SPTLC3: variants seen among roughly 807,000 people sequenced by gnomAD.
SPTLC3 encodes the protein serine palmitoyltransferase 3.
Under a neutral mutation model 59.3 loss-of-function variants are expected in SPTLC3, and 36 were observed. The ratio of observed to expected loss-of-function variants is 0.61; its 90% CI spans 0.47 to 0.80. The LOEUF (loss-of-function observed/expected upper bound fraction) is 0.80, where lower values mean the gene tolerates loss of function less well. Ranked by LOEUF, SPTLC3 falls within the 30% of genes least tolerant of loss-of-function variation. The pLI, the probability that SPTLC3 is intolerant of heterozygous loss-of-function variation, is 0.00. For synonymous variants in SPTLC3, 257 were observed against 240.8 expected (o/e 1.07, Z -0.62); for missense variants, 625 against 685.1 (o/e 0.91, Z 0.98).
chr20:13,055,378 G>A (rs1398016218), intron 2 of SPTLC3, among the ~76,000 whole-genome samples: 1 of 151,996 alleles, frequency 6.6e-6, no homozygotes, highest in African/African-American at 2.4e-5. Flanking sequence ...AATTCTCCTT[G>A]GGCATTCTCA....
chr20:13,129,748 C>A (rs1162413706), intron 9 of SPTLC3, among the ~76,000 whole-genome samples: 1 of 152,218 alleles, frequency 6.6e-6, no homozygotes, highest in East Asian at 1.9e-4. Flanking sequence ...AGTGGAAGAT[C>A]TGCAGAAAGA....
chr20:13,041,969 A>G (rs1987001571), intron 1 of SPTLC3, among the ~76,000 whole-genome samples: 2 of 152,072 alleles, frequency 1.3e-5, no homozygotes, highest in Admixed American at 1.3e-4. Context: ...ATCACTCCCA[A>G]CTGTGAGTCT....
intron 9 of SPTLC3, among the ~76,000 whole-genome samples, chr20:13,139,759 T>C (rs1388894643): frequency 6.6e-6 from 1 of 152,250 alleles, no homozygotes; most frequent in African/African-American, 2.4e-5. Flanking sequence ...CAGGACATTC[T>C]TTCCTCCGAC....
chr20:13,010,705 A>G (rs1282863882), intron 1 of SPTLC3, among the ~76,000 whole-genome samples: 1 of 152,164 alleles, frequency 6.6e-6, no homozygotes, highest in Non-Finnish European at 1.5e-5. Context: ...ACTACTCAAG[A>G]CGATCCTTGC....
intron 7 of SPTLC3, among the ~76,000 whole-genome samples, chr20:13,111,679 C>G (rs1175286855): frequency 6.6e-6 from 1 of 152,138 alleles, no homozygotes; most frequent in Non-Finnish European, 1.5e-5. Flanking sequence ...GAGCAAATAG[C>G]CCTTATCTAA....
At position 13,121,535 on chromosome 20, in the gene SPTLC3, G is replaced by T. The variant is rs147570335; in HGVS notation, c.1152+3810G>T. Among the ~76,000 whole-genome samples the T allele has an allele frequency of 5.5e-3, 833 of 152,230 alleles. 9 individuals carry two copies. Among genetic ancestry groups the T allele is most frequent in the African/African-American group, 0.019 (791 of 41,528 alleles). ...CCTGTGTGTAGAGAAAACAATCAGG[G>T]TTTTGAACTTCCAAATGGACGTGGA... On this transcript the variant is annotated intron_variant, in intron 8 of 11. Coordinates refer to ENST00000399002, the MANE Select transcript of SPTLC3 (RefSeq NM_018327.4).
At chr20:13,077,141 A>T (rs1015995945) in intron 4 of SPTLC3, among the ~76,000 whole-genome samples, 15 of 152,132 alleles carry the variant, frequency 9.9e-5, no homozygotes, top group African/African-American at 3.6e-4. Context: ...ATGATATGGT[A>T]ATAGGAGACA....
intron 2 of SPTLC3, among the ~76,000 whole-genome samples, chr20:13,056,639 A>G (rs1236080827): frequency 6.6e-6 from 1 of 151,438 alleles, no homozygotes; most frequent in African/African-American, 2.4e-5. Context: ...TGGTAAAGAC[A>G]GGGTTTTGCC....
chr20:13,139,141 TG>T (rs1183834633), intron 9 of SPTLC3, among the ~76,000 whole-genome samples: 3 of 152,232 alleles, frequency 2.0e-5, no homozygotes, highest in African/African-American at 7.2e-5. Flanking sequence ...GCACTTAGGA[TG>T]TTTTTCAATC....
chr20:13,111,005 A>G (rs1990201952), intron 7 of SPTLC3, among the ~76,000 whole-genome samples: 1 of 152,114 alleles, frequency 6.6e-6, no homozygotes, highest in Admixed American at 6.5e-5. Context: ...CCCTGAGTGC[A>G]CATTTTTTCT....
At chr20:13,147,142 C>T (rs554865142) in intron 9 of SPTLC3, among the ~76,000 whole-genome samples, 13 of 152,266 alleles carry the variant, frequency 8.5e-5, no homozygotes, top group African/African-American at 3.1e-4. Context: ...CCTGCTCCTG[C>T]GTGCATTCCA....
intron 2 of SPTLC3, among the ~76,000 whole-genome samples, chr20:13,051,259 G>T (rs975363567): frequency 2.0e-5 from 3 of 152,158 alleles, no homozygotes; most frequent in African/African-American, 7.2e-5. Flanking sequence ...GGCATTTCAT[G>T]CAAATAGACA....
At chr20:13,095,913 T>C (rs2122640739) in intron 6 of SPTLC3, among the ~76,000 whole-genome samples, 1 of 152,276 alleles carries the variant, frequency 6.6e-6, no homozygotes, top group East Asian at 1.9e-4. Context: ...TCAGGCACTA[T>C]GTTAGCCCTT....
chr20:13,074,967 T>C (rs1000194553), intron 4 of SPTLC3, among the ~76,000 whole-genome samples: 2 of 152,308 alleles, frequency 1.3e-5, no homozygotes, highest in South Asian at 2.1e-4. Context: ...TGCCTCTTTA[T>C]TTTCCTTTTA....
chr20:13,011,932 T>C lies in SPTLC3; in HGVS notation c.117+2548T>C, dbSNP rs1276255387. Among the ~76,000 whole-genome samples the C allele has an allele frequency of 3.9e-5, 6 of 152,120 alleles. No homozygotes were observed. In the East Asian group the frequency reaches 1.2e-3, roughly 29 times the overall value. On this transcript the variant is annotated intron_variant, in intron 1 of 11. Coordinates refer to ENST00000399002, the MANE Select transcript of SPTLC3 (RefSeq NM_018327.4). ...ACTACAGACAGATGGGTGCTTAAAG[T>C]CTTAATCTATAAACTTGATATTTCT...
chr20:13,160,434 T>A (rs1342443941), intron 11 of SPTLC3, among the ~76,000 whole-genome samples: 1 of 152,166 alleles, frequency 6.6e-6, no homozygotes, highest in Non-Finnish European at 1.5e-5. Flanking sequence ...CAAAAGCTGG[T>A]CTAAAATGCT....
At chr20:13,112,559 G>C (rs545801260) in intron 7 of SPTLC3, among the ~76,000 whole-genome samples, 101 of 152,324 alleles carry the variant, frequency 6.6e-4, no homozygotes, top group African/African-American at 2.4e-3. Flanking sequence ...AAGCTTTGCA[G>C]GCAGCCATCT....
chr20:13,047,524 G>T (rs1429074875), intron 1 of SPTLC3, among the ~76,000 whole-genome samples: 2 of 151,698 alleles, frequency 1.3e-5, no homozygotes, highest in Non-Finnish European at 2.9e-5. Flanking sequence ...TTAAGAAATG[G>T]GAAATCTGCA....
chr20:13,075,178 T>C (rs8124052), intron 4 of SPTLC3, among the ~76,000 whole-genome samples: 41,459 of 151,698 alleles, frequency 0.27, 5,856 homozygotes, highest in Middle Eastern at 0.35. Context: ...GGTGGTGTTA[T>C]TCTCATCTTC....
Sources: gnomAD v4.1 joint callset for allele counts (sites outside exome capture counted in the v4.1 genomes callset) on GRCh38, gnomAD v4.1.1 for gene constraint, MANE v1.5 for transcripts, NCBI Gene and HGNC (gene_info 2026-07-23, HGNC 2026-07-21) for gene names.